PRR16: variants seen among roughly 807,000 people sequenced by gnomAD.
PRR16 encodes protein Largen.
In PRR16, 6 loss-of-function variants were observed where a neutral mutation model predicts 18.2. The observed-to-expected ratio is 0.33, with a 90% confidence interval of 0.18 to 0.65. The LOEUF (loss-of-function observed/expected upper bound fraction) is 0.65. PRR16 is among the 30% of genes least tolerant of loss of function. PRR16 has a pLI of 0.74. For synonymous variants in PRR16, 151 were observed against 147.8 expected (o/e 1.02, Z -0.16); for missense variants, 412 against 376.6 (o/e 1.09, Z -0.78).
chr5:120,764,105 T>C, the PRR16 span, among the ~76,000 whole-genome samples: 2 of 152,088 alleles, frequency 1.3e-5, no homozygotes, highest in Non-Finnish European at 2.9e-5. Flanking sequence ...TGTTGAGTAG[T>C]AGTGGTGAAA....
At chr5:120,553,258 C>T (rs1752310410) in intron 1 of PRR16, among the ~76,000 whole-genome samples, 1 of 151,746 alleles carries the variant, frequency 6.6e-6, no homozygotes, top group Non-Finnish European at 1.5e-5. Flanking sequence ...CTAGTCTGCG[C>T]CATAACTTGA....
At chr5:120,620,547 G>T (rs1754655174) in intron 1 of PRR16, among the ~76,000 whole-genome samples, 1 of 152,182 alleles carries the variant, frequency 6.6e-6, no homozygotes, top group Non-Finnish European at 1.5e-5. Flanking sequence ...TGATGTATGT[G>T]AAAATACCAG....
intron 1 of PRR16, among the ~76,000 whole-genome samples, chr5:120,672,395 A>T (rs536107336): frequency 4.6e-5 from 7 of 151,808 alleles, no homozygotes; most frequent in African/African-American, 1.2e-4. Context: ...GTGTGGAGTG[A>T]GGATGGGTGG....
intron 1 of PRR16, among the ~76,000 whole-genome samples, chr5:120,570,844 A>C (rs953680060): frequency 6.6e-6 from 1 of 152,160 alleles, no homozygotes; most frequent in Non-Finnish European, 1.5e-5. Context: ...CTAAGGTTTA[A>C]ATATATATAG....
chr5:120,740,958 A>G, the PRR16 span, among the ~76,000 whole-genome samples: 1 of 152,078 alleles, frequency 6.6e-6, no homozygotes, highest in Non-Finnish European at 1.5e-5. Flanking sequence ...AATTAAGAGC[A>G]CAATTAATTT....
intron 1 of PRR16, among the ~76,000 whole-genome samples, chr5:120,475,848 G>A (rs144364365): frequency 2.4e-4 from 36 of 152,140 alleles, no homozygotes; most frequent in Admixed American, 5.2e-4. Flanking sequence ...AGCCCCTGCC[G>A]TCTTGGAACT....
chr5:120,635,048 C>T (rs1162939275), intron 1 of PRR16, among the ~76,000 whole-genome samples: 2 of 151,296 alleles, frequency 1.3e-5, no homozygotes, highest in African/African-American at 4.8e-5. Flanking sequence ...AATATACAAC[C>T]CTCCTATATT....
intron 1 of PRR16, among the ~76,000 whole-genome samples, chr5:120,566,003 G>A (rs74403889): frequency 0.07 from 10,727 of 152,188 alleles, 560 homozygotes; most frequent in African/African-American, 0.15. Flanking sequence ...TTGATGCTAT[G>A]GTTTGAATGT....
At chr5:120,647,851 A>G (rs1000300823) in intron 1 of PRR16, among the ~76,000 whole-genome samples, 12 of 152,080 alleles carry the variant, frequency 7.9e-5, no homozygotes, top group Non-Finnish European at 1.6e-4. Context: ...GAAAACTGCC[A>G]GTTTACATAA....
At chr5:120,624,460 T>A (rs1754796151) in intron 1 of PRR16, among the ~76,000 whole-genome samples, 2 of 152,130 alleles carry the variant, frequency 1.3e-5, no homozygotes, top group South Asian at 2.1e-4. Context: ...CAGTAAAATG[T>A]TTCTACTTCT....
At chr5:120,776,740 CTT>C in the PRR16 span, among the ~76,000 whole-genome samples, 1 of 152,098 alleles carries the variant, frequency 6.6e-6, no homozygotes. Flanking sequence ...TCATTGCAAT[CTT>C]TGTTAAAGTC....
At chr5:120,607,690 A>T (rs1754198412) in intron 1 of PRR16, among the ~76,000 whole-genome samples, 1 of 151,912 alleles carries the variant, frequency 6.6e-6, no homozygotes. Context: ...ACTAAGAAAG[A>T]TTTTTACTAA....
At chr5:120,512,409 C>T (rs1004664970) in intron 1 of PRR16, among the ~76,000 whole-genome samples, 1 of 152,072 alleles carries the variant, frequency 6.6e-6, no homozygotes, top group African/African-American at 2.4e-5. Flanking sequence ...CTCACTCTTG[C>T]TCTGAGACTC....
the PRR16 span, among the ~76,000 whole-genome samples, chr5:120,715,541 A>G: frequency 6.6e-6 from 1 of 152,192 alleles, no homozygotes; most frequent in Non-Finnish European, 1.5e-5. Flanking sequence ...ATTGAGGACT[A>G]TTGTGTGTTA....
chr5:120,594,929 T>A (rs899585187), intron 1 of PRR16, among the ~76,000 whole-genome samples: 1 of 152,110 alleles, frequency 6.6e-6, no homozygotes, highest in African/African-American at 2.4e-5. Context: ...ACTGGACCAA[T>A]TCCTTACACC....
At chr5:120,498,063 A>AAT (rs1750319072) in intron 1 of PRR16, among the ~76,000 whole-genome samples, 1 of 150,828 alleles carries the variant, frequency 6.6e-6, no homozygotes, top group African/African-American at 2.4e-5. Context: ...TGCCATTTTA[A>AAT]TTTTTGTTTT....
chr5:120,650,934 A>T (rs1383238705), intron 1 of PRR16, among the ~76,000 whole-genome samples: 1 of 152,102 alleles, frequency 6.6e-6, no homozygotes. Flanking sequence ...ACTAGTTTAC[A>T]GTCCCACCAA....
At chr5:120,659,480 C>A (rs1056739091) in intron 1 of PRR16, among the ~76,000 whole-genome samples, 1 of 151,938 alleles carries the variant, frequency 6.6e-6, no homozygotes, top group Non-Finnish European at 1.5e-5. Context: ...TTTCAGGGTA[C>A]ATGTGATATT....
the PRR16 span, among the ~76,000 whole-genome samples, chr5:120,754,578 T>TTCA: frequency 9.3e-6 from 1 of 107,046 alleles, no homozygotes. Flanking sequence ...ATATTTATAT[T>TTCA]TTATATATTA....
Sources: gnomAD v4.1 joint callset for allele counts (sites outside exome capture counted in the v4.1 genomes callset) on GRCh38, gnomAD v4.1.1 for gene constraint, MANE v1.5 for transcripts, NCBI Gene and HGNC (gene_info 2026-07-23, HGNC 2026-07-21) for gene names.